The following MCTP1 variants were observed in gnomAD, a reference collection of about 807,000 sequenced individuals.
MCTP1 encodes the protein multiple C2 and transmembrane domain containing 1, also known as multiple C2 and transmembrane domain-containing protein 1.
MCTP1 carries 69 observed loss-of-function variants against 120.6 expected under a neutral mutation model. That is an observed-to-expected ratio of 0.57 (90% confidence interval 0.47 to 0.70). The LOEUF is 0.70. Ranked by LOEUF, MCTP1 falls within the 30% of genes least tolerant of loss-of-function variation. The pLI is 0.00. For synonymous variants in MCTP1, 529 were observed against 493.1 expected, an observed-to-expected ratio of 1.07 and a Z score of -0.96; for missense variants, 1,203 against 1,248.8, an observed-to-expected ratio of 0.96 and a Z score of 0.55.
intron 18 of MCTP1, among the ~76,000 whole-genome samples, chr5:94,782,937 T>G (rs1776882552): frequency 1.3e-5 from 2 of 152,148 alleles, no homozygotes; most frequent in Non-Finnish European, 2.9e-5. Flanking sequence ...TCTAGAATTC[T>G]CTTTCCAAAT....
chr5:94,711,010 A>T, intron 20 of MCTP1, 83 bp from the exon 21 acceptor site: 1 of 926,232 alleles, frequency 1.1e-6, no homozygotes, highest in Non-Finnish European at 1.7e-6. Context: ...CTAACTTGGG[A>T]CCTAGTTAGT....
At chr5:94,872,543 C>T (rs1174668360) in intron 13 of MCTP1, among the ~76,000 whole-genome samples, 1 of 152,008 alleles carries the variant, frequency 6.6e-6, no homozygotes, top group South Asian at 2.1e-4. Context: ...GAGTTCATTT[C>T]AAAAGCCCTG....
chr5:95,270,277 G>C (rs1759258298), intron 1 of MCTP1, among the ~76,000 whole-genome samples: 1 of 152,152 alleles, frequency 6.6e-6, no homozygotes, highest in African/African-American at 2.4e-5. Flanking sequence ...TGGTGACATA[G>C]ACCTGGGTCC....
At chr5:95,270,317 C>G (rs463838) in intron 1 of MCTP1, among the ~76,000 whole-genome samples, 130,295 of 151,836 alleles carry the variant, frequency 0.86, 56,030 homozygotes, top group African/African-American at 0.92. Context: ...TTGGGCAAGT[C>G]AGTTAATCTC....
intron 17 of MCTP1, among the ~76,000 whole-genome samples, chr5:94,847,727 G>T (rs1002850233): frequency 6.7e-6 from 1 of 150,066 alleles, no homozygotes; most frequent in Non-Finnish European, 1.5e-5. Context: ...GTGTAAATTT[G>T]AGAGAGAGGG....
intron 19 of MCTP1, among the ~76,000 whole-genome samples, chr5:94,763,273 G>A (rs1444704304): frequency 1.3e-5 from 2 of 152,024 alleles, no homozygotes; most frequent in African/African-American, 4.8e-5. Flanking sequence ...CTTTAAAATT[G>A]TCTATGATTC....
At chr5:94,824,911 A>G (rs991906805) in intron 17 of MCTP1, among the ~76,000 whole-genome samples, 5 of 151,924 alleles carry the variant, frequency 3.3e-5, no homozygotes, top group East Asian at 3.9e-4. Context: ...TATTGTGTCT[A>G]TTTGATTCTT....
At chr5:94,709,176 T>TA in intron 21 of MCTP1, 1 of 152,170 alleles carries the variant, frequency 6.6e-6, no homozygotes, top group South Asian at 2.1e-4. Flanking sequence ...AACAAACTGG[T>TA]AAAAACTGAG....
chr5:94,910,981 A>G (rs1581308782), intron 9 of MCTP1, among the ~76,000 whole-genome samples: 2 of 152,148 alleles, frequency 1.3e-5, no homozygotes, highest in South Asian at 2.1e-4. Flanking sequence ...TTTCTTTTCT[A>G]GGATTGCCTT....
In MCTP1 at chr5:94,755,611, C is replaced by A. The variant is rs80231800; in HGVS notation, c.2610+23499G>T. Among the ~76,000 whole-genome samples the A allele has an allele frequency of 1.2e-4, 19 of 152,276 alleles. No individual in the cohort carries two copies. The East Asian group carries it at 1.9e-3, about 15-fold the overall frequency. On this transcript the variant is annotated intron_variant, in intron 19 of 22. Transcript: ENST00000515393. ...GACCATTTGACATACTTCATTCTAGCGATATATTTCTTAAAACATGTGGTT... is the reference window on the plus strand; with the variant it reads ...GACCATTTGACATACTTCATTCTAGAGATATATTTCTTAAAACATGTGGTT...
chr5:95,222,890 T>C (rs1006332315), intron 1 of MCTP1, among the ~76,000 whole-genome samples: 8 of 152,232 alleles, frequency 5.3e-5, no homozygotes, highest in African/African-American at 1.9e-4. Context: ...TTGGATCACT[T>C]GACCATAGAG....
chr5:94,833,952 A>C (rs536135130), intron 17 of MCTP1, among the ~76,000 whole-genome samples: 1 of 152,340 alleles, frequency 6.6e-6, no homozygotes, highest in East Asian at 1.9e-4. Flanking sequence ...AAGACATCAA[A>C]TTTGAAAGGC....
chr5:95,122,589 G>T (rs764121558), intron 1 of MCTP1, among the ~76,000 whole-genome samples: 1 of 152,138 alleles, frequency 6.6e-6, no homozygotes, highest in African/African-American at 2.4e-5. Flanking sequence ...ACAGCCTGGA[G>T]GTTCCTCAAT....
At chr5:95,126,184 AT>A (rs1758617943) in intron 1 of MCTP1, among the ~76,000 whole-genome samples, 1 of 152,214 alleles carries the variant, frequency 6.6e-6, no homozygotes, top group Non-Finnish European at 1.5e-5. Context: ...GCACTGTTGA[AT>A]AAGAGGGTCA....
At chr5:95,212,156 T>C (rs539399506) in intron 1 of MCTP1, among the ~76,000 whole-genome samples, 13 of 152,038 alleles carry the variant, frequency 8.6e-5, no homozygotes, top group Admixed American at 7.9e-4. Flanking sequence ...AAAAATCAAA[T>C]AGACGCAATA....
At chr5:94,952,524 C>G (rs139601837) in intron 3 of MCTP1, among the ~76,000 whole-genome samples, 1 of 151,986 alleles carries the variant, frequency 6.6e-6, no homozygotes, top group African/African-American at 2.4e-5. Flanking sequence ...GGGATGTGTG[C>G]TGTTGTGGTA....
chr5:95,263,801 G>T (rs1758667684), intron 1 of MCTP1, among the ~76,000 whole-genome samples: 1 of 152,150 alleles, frequency 6.6e-6, no homozygotes, highest in Non-Finnish European at 1.5e-5. Flanking sequence ...TTACAGAAAA[G>T]AAATGTGAGG....
chr5:95,238,460 A>G (rs960375770), intron 1 of MCTP1, among the ~76,000 whole-genome samples: 5 of 152,108 alleles, frequency 3.3e-5, no homozygotes, highest in African/African-American at 1.2e-4. Context: ...ACTGTTTCCA[A>G]CTTTTTTCAT....
chr5:94,812,242 A>G (rs1456210942), intron 17 of MCTP1, among the ~76,000 whole-genome samples: 2 of 152,162 alleles, frequency 1.3e-5, no homozygotes, highest in Admixed American at 6.5e-5. Flanking sequence ...CTTGTTCACA[A>G]TTTACTTGAA....
Sources: gnomAD v4.1 joint callset for allele counts (sites outside exome capture counted in the v4.1 genomes callset) on GRCh38, gnomAD v4.1.1 for gene constraint, MANE v1.5 for transcripts, NCBI Gene and HGNC (gene_info 2026-07-23, HGNC 2026-07-21) for gene names.